GGA2: variants seen among roughly 807,000 people sequenced by gnomAD.
GGA2 encodes ADP-ribosylation factor-binding protein GGA2.
In GGA2, 48 loss-of-function variants were observed where a neutral mutation model predicts 79.5. The ratio of observed to expected loss-of-function variants is 0.60; its 90% CI spans 0.48 to 0.77. The LOEUF (loss-of-function observed/expected upper bound fraction) is 0.77. GGA2 is among the 30% of genes least tolerant of loss of function. GGA2 has a pLI of 0.00. For missense variants in GGA2, 770 were observed against 774.0 expected, an observed-to-expected ratio of 0.99 and a Z score of 0.06; for synonymous variants, 317 against 302.0, an observed-to-expected ratio of 1.05 and a Z score of -0.51.
chr16:23,473,200 CTG>C (rs1253670758), intron 14 of GGA2, among the ~76,000 whole-genome samples: 2 of 151,700 alleles, frequency 1.3e-5, no homozygotes, highest in African/African-American at 4.8e-5. Flanking sequence ...TCTATACACA[CTG>C]TGGTATCAAA....
chr16:23,501,218 A>T lies in GGA2; in HGVS notation c.92-5440T>A, dbSNP rs1417874122. On this transcript the variant is annotated intron_variant, in intron 1 of 16. Coordinates refer to ENST00000309859, the MANE Select transcript of GGA2 (RefSeq NM_015044.4). Reference sequence around the variant, plus strand: ...TCATAAAACTACAGCTCCATGTGCAATCGTAGCTTTGGTGTACATCGAACG... The same window carrying T: ...TCATAAAACTACAGCTCCATGTGCATTCGTAGCTTTGGTGTACATCGAACG... 6 of 450,106 alleles carry T rather than the reference A, an allele frequency of 1.3e-5. No homozygotes were observed. The Admixed American group carries it at 1.5e-4, about 11-fold the overall frequency. The allele number at this position is 450,106 out of a possible 1,614,324, so 27.9% of individuals were successfully genotyped here.
At chr16:23,498,659 AGCAGCAT>A (rs1211884831) in intron 1 of GGA2, among the ~76,000 whole-genome samples, 1 of 152,228 alleles carries the variant, frequency 6.6e-6, no homozygotes, top group African/African-American at 2.4e-5. Context: ...TGCTTAGTAC[AGCAGCAT>A]GCAGTAAGAG....
chr16:23,493,679 A>T, intron 3 of GGA2: 1 of 522,594 alleles, frequency 1.9e-6, no homozygotes, highest in South Asian at 2.1e-5. Context: ...ATGCCCAGGA[A>T]ATAGCTTAGT....
At chr16:23,487,890 C>A (rs1964735135) in intron 6 of GGA2, among the ~76,000 whole-genome samples, 1 of 151,966 alleles carries the variant, frequency 6.6e-6, no homozygotes, top group African/African-American at 2.4e-5. Context: ...CAGCGTGTAG[C>A]CTTCCAACAC....
At chr16:23,474,091 TC>T (rs1164434678) in intron 14 of GGA2, among the ~76,000 whole-genome samples, 2 of 152,202 alleles carry the variant, frequency 1.3e-5, no homozygotes, top group Non-Finnish European at 2.9e-5. Flanking sequence ...TCCATTTCCT[TC>T]CCTTTTAACA....
In GGA2 at chr16:23,465,259, A is replaced by T. The variant is rs1309527581; in HGVS notation, c.*2331T>A. 1.5e-5 allele frequency: 10 copies of T among 686,860 alleles called. No individual in the cohort carries two copies. Among genetic ancestry groups the T allele is most frequent in the Non-Finnish European group, 2.7e-5 (10 of 376,574 alleles). 42.5% of individuals were successfully genotyped at this position (686,860 alleles called of 1,614,324 possible). A position where few individuals can be genotyped will look rare whatever the true frequency, so the allele number is the denominator to read the frequency against. On this transcript the variant is annotated 3_prime_UTR_variant, in exon 17 of 17. Transcript: ENST00000309859. ...CTCAGCCTCCCAAAATGCTGGGATT[A>T]TAGGCGTGAGCCACTGTGCACAGCC...
chr16:23,501,349 G>C (rs1052255698), intron 1 of GGA2: 1 of 456,822 alleles, frequency 2.2e-6, no homozygotes, highest in Non-Finnish European at 4.4e-6. Flanking sequence ...ATGGTCTGTG[G>C]AGTGTGGATG....
At chr16:23,499,144 C>A (rs1216483882) in intron 1 of GGA2, among the ~76,000 whole-genome samples, 1 of 91,390 alleles carries the variant, frequency 1.1e-5, no homozygotes, top group African/African-American at 3.8e-5. Flanking sequence ...ACGGGCACCA[C>A]CTTTTTTTTT....
chr16:23,485,187 C>T (rs1364323729), intron 8 of GGA2, among the ~76,000 whole-genome samples: 1 of 152,164 alleles, frequency 6.6e-6, no homozygotes, highest in African/African-American at 2.4e-5. Context: ...TAAGCAAATC[C>T]AGAGAGACAG....
chr16:23,465,715 C>CG lies in GGA2; in HGVS notation c.*1874dup, dbSNP rs759477788. On this transcript the variant is annotated 3_prime_UTR_variant, in exon 17 of 17. Transcript: ENST00000309859. ...CAGCACTCTGGGAGGCCAAGGCAGGCGGATCACCTGAGGTCAGGAGTTCGA... is the reference window on the plus strand; with the variant it reads ...CAGCACTCTGGGAGGCCAAGGCAGGCGGGATCACCTGAGGTCAGGAGTTCGA... The CG allele has an allele frequency of 7.2e-6, 2 of 279,160 alleles. No homozygotes were observed. Among genetic ancestry groups the CG allele is most frequent in the African/African-American group, 2.2e-5 (1 of 46,126 alleles). The allele number at this position is 279,160 out of a possible 1,614,324, so 17.3% of individuals were successfully genotyped here.
intron 14 of GGA2, 35 bp downstream of exon 14, chr16:23,474,869 A>T: frequency 6.6e-7 from 1 of 1,518,972 alleles, no homozygotes; most frequent in Admixed American, 1.7e-5. Flanking sequence ...TCCCAGGGAA[A>T]AAAAAAAAAA....
At chr16:23,498,809 C>G (rs1277282160) in intron 1 of GGA2, among the ~76,000 whole-genome samples, 1 of 152,138 alleles carries the variant, frequency 6.6e-6, no homozygotes, top group East Asian at 1.9e-4. Context: ...AGTGCCTTAC[C>G]CATACGTACA....
rs181597418 is a variant in GGA2, at chr16:23,480,650, G to C, written c.1001C>G (p.Ser334Cys). 1 of 1,612,042 alleles carries C rather than the reference G, an allele frequency of 6.2e-7. No homozygotes were observed. The highest frequency in any genetic ancestry group is 1.3e-5 in the African/African-American group (1 of 74,926). Residue 334 changes from serine (S) to cysteine (C), a missense_variant, in exon 10 of 17, where the codon TCC becomes TGC. By Grantham distance (112) the Ser-to-Cys change is moderately radical. Transcript: ENST00000309859. ...VTSSLGDIPV[S>C]RVFQNPAGCM... ...GGAGAAGCTTTCAAACATACCTCTG[G>C]AGACAGGGATGTCTCCCAATGAGCT...
At chr16:23,487,145 C>A (rs186835039) in intron 6 of GGA2, among the ~76,000 whole-genome samples, 2 of 152,222 alleles carry the variant, frequency 1.3e-5, no homozygotes, top group Non-Finnish European at 1.5e-5. Flanking sequence ...CCATGCCCAG[C>A]TAATTTTTGT....
chr16:23,487,589 G>C (rs1167706611), intron 6 of GGA2, among the ~76,000 whole-genome samples: 1 of 152,096 alleles, frequency 6.6e-6, no homozygotes. Flanking sequence ...GCACAGAGAA[G>C]TCACTCAATC....
In GGA2 at chr16:23,472,928, G is replaced by A. The variant is rs148172898; in HGVS notation, c.1450+1976C>T. Among the ~76,000 whole-genome samples, 225 of 150,600 alleles carry A rather than the reference G, an allele frequency of 1.5e-3. 5 individuals carry two copies. The East Asian group carries it at 0.037, about 25-fold the overall frequency. On this transcript the variant is annotated intron_variant, in intron 14 of 16. Transcript: ENST00000309859. ...GGGCACCTGTGTCCCAGCTACTCGG[G>A]AGGCTGAGGCAAGAGAATGGTGTGA...
chr16:23,470,741 T>C (rs2142112956), intron 14 of GGA2, among the ~76,000 whole-genome samples: 1 of 100,968 alleles, frequency 9.9e-6, no homozygotes, highest in South Asian at 3.9e-4. Context: ...AGAGCGAGAC[T>C]CTGTCTCAAA....
upstream of GGA2, among the ~76,000 whole-genome samples, chr16:23,515,094 AATAAG>A (rs1267078722): frequency 3.3e-5 from 5 of 151,850 alleles, no homozygotes; most frequent in South Asian, 2.1e-4. Context: ...TCATCTAAGA[AATAAG>A]ATAAGTGCCT....
chr16:23,496,714 T>C (rs929163162), intron 1 of GGA2, among the ~76,000 whole-genome samples: 1 of 152,090 alleles, frequency 6.6e-6, no homozygotes, highest in African/African-American at 2.4e-5. Context: ...CCCAGCACTT[T>C]GGGAAGCCGA....
Sources: allele counts gnomAD v4.1 joint callset (sites outside exome capture counted in the v4.1 genomes callset), GRCh38; gene constraint gnomAD v4.1.1; transcripts MANE v1.5; gene names NCBI Gene and HGNC (gene_info 2026-07-23, HGNC 2026-07-21).